Variants in RIMS2 observed in about 807,000 individuals in gnomAD.
RIMS2 encodes regulating synaptic membrane exocytosis protein 2.
In RIMS2, 59 loss-of-function variants were observed where a neutral mutation model predicts 174.4. The observed-to-expected ratio is 0.34, with a 90% CI of 0.27 to 0.42. RIMS2 has a LOEUF of 0.42. Among genes scored for constraint, RIMS2 ranks in the 10% least tolerant of loss-of-function variants. The probability of loss-of-function intolerance (pLI) is 1.00; values close to 1 mark genes in which losing one functional copy is unlikely to be tolerated. For synonymous variants in RIMS2, 606 were observed against 572.5 expected, an observed-to-expected ratio of 1.06 and a Z score of -0.84; for missense variants, 1,620 against 1,666.3, an observed-to-expected ratio of 0.97 and a Z score of 0.48.
chr8:103,821,833 A>G (rs1362987457), intron 3 of RIMS2, among the ~76,000 whole-genome samples: 2 of 151,678 alleles, frequency 1.3e-5, no homozygotes, highest in Non-Finnish European at 3.0e-5. Flanking sequence ...GAAAAAAATC[A>G]TGGAAGAAGA....
intron 1 of RIMS2, among the ~76,000 whole-genome samples, chr8:103,605,836 T>C (rs11529705): frequency 0.17 from 26,068 of 149,464 alleles, 2,529 homozygotes; most frequent in African/African-American, 0.24. Flanking sequence ...TCTGTCGGAT[T>C]GGTGGTGATA....
intron 16 of RIMS2, among the ~76,000 whole-genome samples, chr8:103,984,401 A>G (rs2094183339): frequency 6.6e-6 from 1 of 152,218 alleles, no homozygotes; most frequent in African/African-American, 2.4e-5. Context: ...AAAGATTTTA[A>G]TAGAGATTTC....
chr8:103,851,939 T>C (rs1222881073), intron 3 of RIMS2, among the ~76,000 whole-genome samples: 1 of 151,914 alleles, frequency 6.6e-6, no homozygotes, highest in Non-Finnish European at 1.5e-5. Flanking sequence ...ACTAGCTAGA[T>C]TGCATGTTTT....
chr8:103,538,143 G>A (rs1338753428), intron 1 of RIMS2, among the ~76,000 whole-genome samples: 1 of 151,906 alleles, frequency 6.6e-6, no homozygotes, highest in Non-Finnish European at 1.5e-5. Context: ...GGCATAGTTA[G>A]GCTTTGACCT....
At chr8:103,569,634 G>A (rs1179320749) in intron 1 of RIMS2, among the ~76,000 whole-genome samples, 3 of 150,942 alleles carry the variant, frequency 2.0e-5, no homozygotes, top group Non-Finnish European at 4.4e-5. Context: ...TTTGTTTAAA[G>A]ATACAGGGTC....
intron 2 of RIMS2, among the ~76,000 whole-genome samples, chr8:103,757,949 A>G (rs1190052344): frequency 1.3e-5 from 2 of 152,158 alleles, no homozygotes; most frequent in African/African-American, 2.4e-5. Context: ...CCCTGTTGAC[A>G]TCTTGATTTT....
intron 3 of RIMS2, among the ~76,000 whole-genome samples, chr8:103,816,428 A>G (rs1474755846): frequency 6.6e-6 from 1 of 152,198 alleles, no homozygotes; most frequent in Non-Finnish European, 1.5e-5. Context: ...GCACTATGCT[A>G]GATGAATGAG....
chr8:104,173,920 GATTTATTT>G lies in RIMS2; in HGVS notation c.3335-70961_3335-70954del, dbSNP rs71297263. The stretch of plus-strand genomic sequence containing the variant: ...CTAGAAGTAATGGGTAATGTTAAAG[GATTTATTT>G]ATTTATTTATTTATTTATTTATTTA... On this transcript the variant is annotated intron_variant, in intron 19 of 23. Coordinates refer to ENST00000504942, the Ensembl canonical transcript of RIMS2. 6.8e-3 allele frequency among the ~76,000 whole-genome samples: 939 copies of G among 139,016 alleles called. 4 individuals carry two copies. Among genetic ancestry groups the G allele is most frequent in the Non-Finnish European group, 9.5e-3 (616 of 64,938 alleles). The allele number at this position is 139,016 out of a possible 152,430, so 91.2% of individuals were successfully genotyped here.
rs562436346 is a variant in RIMS2 at position 103,718,220 on chromosome 8, GAAAATATCTAGATAGCTCAATC to G, written c.387+20926_387+20947del. Reference sequence around the variant, plus strand: ...GGGACATGAAAGACAGTCATCAAGGGAAAATATCTAGATAGCTCAATCAGGGGCAGCTAGATAGGTTAACCAA... The same window carrying G: ...GGGACATGAAAGACAGTCATCAAGGGAGGGGCAGCTAGATAGGTTAACCAA... On this transcript the variant is annotated intron_variant, in intron 2 of 23. Coordinates refer to ENST00000504942, the Ensembl canonical transcript of RIMS2. 6.2e-3 allele frequency among the ~76,000 whole-genome samples: 938 copies of G among 152,268 alleles called. 11 individuals are homozygous for G. The highest frequency in any genetic ancestry group is 0.021 in the African/African-American group (888 of 41,550).
chr8:103,652,610 G>C lies in RIMS2; in HGVS notation c.177-44476G>C. ...ATTTGGTTATTCAGTCACATTATTT[G>C]CTTATTTAAACAGGTGGTTTCCCTT... On this transcript the variant is annotated intron_variant, in intron 1 of 23. Coordinates refer to ENST00000504942, the Ensembl canonical transcript of RIMS2. 1 of 1,301,094 alleles carries C rather than the reference G, an allele frequency of 7.7e-7. No individual in the cohort carries two copies. The allele number at this position is 1,301,094 out of a possible 1,614,324, so 80.6% of individuals were successfully genotyped here.
chr8:104,083,569 G>T (rs1019074463), intron 19 of RIMS2, among the ~76,000 whole-genome samples: 1 of 152,130 alleles, frequency 6.6e-6, no homozygotes, highest in African/African-American at 2.4e-5. Flanking sequence ...TCTTAGTGAC[G>T]GTTTCTTTAT....
At chr8:103,626,788 G>A (rs546473895) in intron 1 of RIMS2, among the ~76,000 whole-genome samples, 2 of 152,118 alleles carry the variant, frequency 1.3e-5, no homozygotes, top group East Asian at 1.9e-4. Context: ...ACCTTGAGCC[G>A]CAAAACCAGC....
intron 19 of RIMS2, among the ~76,000 whole-genome samples, chr8:104,229,580 A>C (rs1046601665): frequency 6.6e-6 from 1 of 152,198 alleles, no homozygotes; most frequent in African/African-American, 2.4e-5. Context: ...ACCCATGAGC[A>C]TTCTTTTCCC....
intron 3 of RIMS2, among the ~76,000 whole-genome samples, chr8:103,812,521 A>G (rs2098695283): frequency 6.6e-6 from 1 of 151,938 alleles, no homozygotes; most frequent in Admixed American, 6.6e-5. Flanking sequence ...AGCTGGGATT[A>G]CAGGCGCGTA....
At chr8:104,253,131 G>A (rs772584566), downstream of RIMS2, 17 of 152,172 alleles carry the variant, frequency 1.1e-4, no homozygotes, top group Non-Finnish European at 2.2e-4. Flanking sequence ...TACAGTGCAT[G>A]GTAATTTTTT....
At chr8:104,147,859 G>A (rs184639303) in intron 19 of RIMS2, among the ~76,000 whole-genome samples, 191 of 152,256 alleles carry the variant, frequency 1.3e-3, no homozygotes, top group Admixed American at 3.7e-3. Flanking sequence ...TGCAGTATTA[G>A]TCTTGCAGTA....
At chr8:104,179,552 A>G (rs993815513) in intron 19 of RIMS2, among the ~76,000 whole-genome samples, 1 of 151,926 alleles carries the variant, frequency 6.6e-6, no homozygotes, top group Non-Finnish European at 1.5e-5. Context: ...TTACTACACA[A>G]AACTTTCTTC....
intron 19 of RIMS2, among the ~76,000 whole-genome samples, chr8:104,040,222 A>C (rs1345004512): frequency 6.6e-6 from 1 of 151,704 alleles, no homozygotes; most frequent in Non-Finnish European, 1.5e-5. Flanking sequence ...TATATAAGTC[A>C]ACTCAAAAAT....
chr8:104,039,696 A>G (rs1334582226), intron 19 of RIMS2, among the ~76,000 whole-genome samples: 1 of 151,768 alleles, frequency 6.6e-6, no homozygotes, highest in Non-Finnish European at 1.5e-5. Flanking sequence ...GTATAAAAAC[A>G]CAATGCAACA....
Sources: allele counts gnomAD v4.1 joint callset (sites outside exome capture counted in the v4.1 genomes callset), GRCh38; gene constraint gnomAD v4.1.1; transcripts MANE v1.5; gene names NCBI Gene and HGNC (gene_info 2026-07-23, HGNC 2026-07-21).